Variants in CCDC83 observed in about 807,000 individuals in gnomAD.
CCDC83 encodes coiled-coil domain containing 83.
A neutral mutation model predicts 50.1 loss-of-function variants in CCDC83; 54 were observed. That is an observed-to-expected ratio of 1.08 (90% CI 0.87 to 1.35). The LOEUF (loss-of-function observed/expected upper bound fraction) is 1.35. CCDC83 is among the 40% of genes most tolerant of loss of function. The pLI is 0.00. For synonymous variants in CCDC83, 161 were observed against 153.3 expected (o/e 1.05, Z -0.37); for missense variants, 518 against 473.9 (o/e 1.09, Z -0.86).
intron 2 of CCDC83, among the ~76,000 whole-genome samples, chr11:85,865,422 C>G (rs1263548790): frequency 6.6e-6 from 1 of 152,236 alleles, no homozygotes; most frequent in Non-Finnish European, 1.5e-5. Context: ...CAAGTAGTAG[C>G]TATGACTACT....
chr11:85,906,217 C>G (rs2093425255), intron 7 of CCDC83, among the ~76,000 whole-genome samples: 1 of 151,650 alleles, frequency 6.6e-6, no homozygotes, highest in African/African-American at 2.4e-5. Flanking sequence ...AGCTGCCCAC[C>G]ACCACACCTG....
At chr11:85,880,600 A>G (rs770942906) in intron 3 of CCDC83, among the ~76,000 whole-genome samples, 1 of 151,664 alleles carries the variant, frequency 6.6e-6, no homozygotes, top group Admixed American at 6.6e-5. Context: ...TTTTTTAATC[A>G]GCGTTTTCTA....
intron 1 of CCDC83, among the ~76,000 whole-genome samples, chr11:85,856,631 T>A (rs557659789): frequency 6.6e-6 from 1 of 152,314 alleles, no homozygotes; most frequent in Non-Finnish European, 1.5e-5. Flanking sequence ...ACTAAAGGAT[T>A]GGTGAAGAAA....
intron 10 of CCDC83, among the ~76,000 whole-genome samples, chr11:85,918,959 C>A (rs1196820877): frequency 6.6e-6 from 1 of 152,200 alleles, no homozygotes; most frequent in Non-Finnish European, 1.5e-5. Flanking sequence ...CATGACTCAG[C>A]TTTCAGCTTA....
intron 7 of CCDC83, among the ~76,000 whole-genome samples, chr11:85,903,061 CATCTCTACTAAAAATACAA>C (rs752016693): frequency 2.4e-4 from 37 of 151,914 alleles, no homozygotes; most frequent in Non-Finnish European, 1.0e-4. Context: ...GTGAAACCCC[CATCTCTACTAAAAATACAA>C]AAATTAGCTA....
chr11:85,856,994 G>T (rs949508042), intron 1 of CCDC83, among the ~76,000 whole-genome samples: 2 of 152,134 alleles, frequency 1.3e-5, no homozygotes, highest in Non-Finnish European at 2.9e-5. Context: ...TAAACTACCT[G>T]GGAACCCCCT....
chr11:85,875,761 C>A (rs2093265717), intron 3 of CCDC83, among the ~76,000 whole-genome samples: 1 of 152,192 alleles, frequency 6.6e-6, no homozygotes, highest in African/African-American at 2.4e-5. Flanking sequence ...TCAGTTATTT[C>A]AAAATCAGAA....
intron 7 of CCDC83, among the ~76,000 whole-genome samples, chr11:85,901,669 A>G (rs1355214455): frequency 6.6e-6 from 1 of 152,104 alleles, no homozygotes; most frequent in African/African-American, 2.4e-5. Context: ...AAGAAAAATA[A>G]GAGACATAGA....
At chr11:85,870,890 G>A (rs140789813) in intron 2 of CCDC83, among the ~76,000 whole-genome samples, 19 of 152,096 alleles carry the variant, frequency 1.2e-4, no homozygotes, top group African/African-American at 4.6e-4. Context: ...CTGTAGGCCA[G>A]GCGCAGTGGC....
At chr11:85,857,156 T>C (rs1333501503) in intron 1 of CCDC83, among the ~76,000 whole-genome samples, 1 of 152,146 alleles carries the variant, frequency 6.6e-6, no homozygotes, top group African/African-American at 2.4e-5. Context: ...GCCCTGGATA[T>C]TGTGGAGAAC....
intron 7 of CCDC83, among the ~76,000 whole-genome samples, chr11:85,905,724 C>T (rs1439851743): frequency 6.6e-6 from 1 of 151,816 alleles, no homozygotes; most frequent in Non-Finnish European, 1.5e-5. Flanking sequence ...AATCCCAGCA[C>T]TTTGGGAGGC....
In CCDC83 at chr11:85,895,382, C is replaced by G; in HGVS notation, c.601C>G (p.Gln201Glu). 6.5e-7 allele frequency: 1 copy of G among 1,533,154 alleles called. No homozygotes were observed. Among genetic ancestry groups the G allele is most frequent in the South Asian group, 1.2e-5 (1 of 84,388 alleles). 95.0% of individuals were successfully genotyped at this position (1,533,154 alleles called of 1,614,324 possible). The change falls in exon 6 of 11, where the codon CAG (glutamine) becomes GAG (glutamate). Residue 201 changes from glutamine (Q) to glutamate (E), a missense_variant and splice_region_variant. Coordinates refer to ENST00000342404, the MANE Select transcript of CCDC83 (RefSeq NM_001286159.2). ...QLDQKKEWAT[Q>E]NAVKLIDKGS... ...GGACCAAAAGAAGGAATGGGCCACA[C>G]AGGTATAATTCAATTTTCTTAAAAA...
intron 2 of CCDC83, among the ~76,000 whole-genome samples, chr11:85,869,457 C>T (rs948436153): frequency 2.0e-5 from 3 of 152,046 alleles, no homozygotes; most frequent in Admixed American, 6.5e-5. Flanking sequence ...GAAAAAAACA[C>T]AAAAATATAG....
At chr11:85,899,042 A>C (rs1226641148) in intron 7 of CCDC83, 27 bp downstream of exon 7, 4 of 1,522,926 alleles carry the variant, frequency 2.6e-6, no homozygotes, top group Non-Finnish European at 3.6e-6. Context: ...AAAACAAACA[A>C]TTTCTTCGTT....
At chr11:85,908,563 A>T (rs2093436105) in intron 7 of CCDC83, among the ~76,000 whole-genome samples, 1 of 134,746 alleles carries the variant, frequency 7.4e-6, no homozygotes, top group Non-Finnish European at 1.6e-5. Flanking sequence ...AGATAGATAG[A>T]TAGATAGATA....
chr11:85,886,366 A>C lies in CCDC83; in HGVS notation c.510A>C (p.Ser170=), dbSNP rs1369671521. ...NTVKENAEKM[S]EHYKITLEDT... ...TTAAAGAGAATGCAGAGAAAATGTC[A>C]GGTCAGTTGCAACAAAACTAGTTCA... Residue 170 remains serine, a splice_region_variant and synonymous_variant, in exon 5 of 11, where the codon TCA becomes TCC. Coordinates refer to ENST00000342404, the MANE Select transcript of CCDC83 (RefSeq NM_001286159.2). 3 of 1,579,136 alleles carry C rather than the reference A, an allele frequency of 1.9e-6. No individual in the cohort carries two copies. In the African/African-American group the frequency reaches 4.1e-5, roughly 21 times the overall value.
At chr11:85,873,161 A>G (rs756837618) in intron 2 of CCDC83, 50 bp from the exon 3 acceptor site, 2 of 998,226 alleles carry the variant, frequency 2.0e-6, no homozygotes, top group Admixed American at 2.7e-5. Context: ...ATTTTTTCTC[A>G]TTTCCTAAGA....
rs1208246805 is a variant in CCDC83, at chr11:85,873,296, G to C, written c.180+1G>C. The C allele has an allele frequency of 7.3e-7, 1 of 1,364,426 alleles. No homozygotes were observed. The highest frequency in any genetic ancestry group is 2.1e-5 in the Admixed American group (1 of 48,372). 84.5% of individuals were successfully genotyped at this position (1,364,426 alleles called of 1,614,324 possible). A position where few individuals can be genotyped will look rare whatever the true frequency, so the allele number is the denominator to read the frequency against. On this transcript the variant is annotated splice_donor_variant, in intron 3 of 10. Transcript: ENST00000342404. LOFTEE classifies it high-confidence loss of function. Reference sequence around the variant, plus strand: ...AAAGAACCAAAAATATCATGAAAGAGTGAGTATAAAATTTAGAACCTATAT... The same window carrying C: ...AAAGAACCAAAAATATCATGAAAGACTGAGTATAAAATTTAGAACCTATAT...
Position 85,882,564 on chromosome 11 carries a change from G to T in CCDC83, c.232G>T (p.Glu78Ter). 1 of 1,613,936 alleles carries T rather than the reference G, an allele frequency of 6.2e-7. No individual in the cohort carries two copies. The highest frequency in any genetic ancestry group is 8.5e-7 in the Non-Finnish European group (1 of 1,179,854). ...QIWHIRHLLK[E>*]LSEEKAEGLP... ...TTGGCACATACGGCATCTACTAAAG[G>T]AACTGAGTGAAGAGAAGGCAGAGGG... The change falls in exon 4 of 11, where the codon GAA (glutamate) becomes TAA (stop). Residue 78 changes from glutamate (E) to a stop codon, truncating the protein, a stop_gained. Transcript: ENST00000342404. LOFTEE classifies it high-confidence loss of function.
Sources: gnomAD v4.1 joint callset for allele counts (sites outside exome capture counted in the v4.1 genomes callset) on GRCh38, gnomAD v4.1.1 for gene constraint, MANE v1.5 for transcripts, NCBI Gene and HGNC (gene_info 2026-07-23, HGNC 2026-07-21) for gene names.